Variants in C1orf52 observed in about 807,000 individuals in gnomAD.
C1orf52 encodes the protein chromosome 1 open reading frame 52.
C1orf52 carries 5 observed loss-of-function variants against 17.2 expected under a neutral mutation model. That is an observed-to-expected ratio of 0.29 (90% CI 0.15 to 0.61). The LOEUF is 0.61. Ranked by LOEUF, C1orf52 falls within the 20% of genes least tolerant of loss-of-function variation. The pLI, the probability that C1orf52 is intolerant of heterozygous loss-of-function variation, is 0.85. For missense variants in C1orf52, 245 were observed against 234.1 expected (o/e 1.05, Z -0.30); for synonymous variants, 110 against 88.0 (o/e 1.25, Z -1.40).
intron 2 of C1orf52, among the ~76,000 whole-genome samples, chr1:85,258,164 A>T (rs1214325851): frequency 6.6e-6 from 1 of 152,092 alleles, no homozygotes; most frequent in Non-Finnish European, 1.5e-5. Flanking sequence ...AAAAAAGAAA[A>T]TTAAGCCTTC....
rs770855238 is a variant in C1orf52, at chr1:85,258,646, G to A, written c.353C>T (p.Pro118Leu). Residue 118 changes from proline (P) to leucine (L), a missense_variant, in exon 2 of 3, where the codon CCG becomes CTG. Physicochemically the swap from Pro to Leu is moderately conservative, Grantham distance 98. Coordinates refer to ENST00000471115, the MANE Select transcript of C1orf52 (RefSeq NM_198077.4). ...PETYTTEKKP[P>L]PPELDMAIKW... is the part of the protein sequence containing the mutation. ...TATTGCCATGTCAAGCTCTGGAGGC[G>A]GAGGCTTCTTCTCAGTGGTGTAGGT... 4 of 1,613,708 alleles carry A rather than the reference G, an allele frequency of 2.5e-6. No individual in the cohort carries two copies. The highest frequency in any genetic ancestry group is 1.1e-5 in the South Asian group (1 of 91,072).
intron 2 of C1orf52, among the ~76,000 whole-genome samples, chr1:85,254,251 G>A (rs959445607): frequency 3.9e-5 from 6 of 152,252 alleles, no homozygotes; most frequent in Non-Finnish European, 8.8e-5. Context: ...TATGTAGGCA[G>A]TGGAATAAAA....
At chr1:85,258,484 G>T in intron 2 of C1orf52, 40 bp downstream of exon 2, 1 of 1,510,270 alleles carries the variant, frequency 6.6e-7, no homozygotes. Flanking sequence ...CCCATCACGG[G>T]GATCAAAATA....
chr1:85,250,285 A>G lies in C1orf52; in HGVS notation c.*2344T>C, dbSNP rs551758637. The G allele has an allele frequency of 1.3e-5, 2 of 152,280 alleles. No homozygotes were observed. The highest frequency in any genetic ancestry group is 4.8e-5 in the African/African-American group (2 of 41,560). 9.4% of individuals were successfully genotyped at this position (152,280 alleles called of 1,614,324 possible). A position where few individuals can be genotyped will look rare whatever the true frequency, so the allele number is the denominator to read the frequency against. On this transcript the variant is annotated 3_prime_UTR_variant, in exon 3 of 3. Coordinates refer to ENST00000471115, the MANE Select transcript of C1orf52 (RefSeq NM_198077.4). ...GATCTCAACATGTTGCCCAGGCTTA[A>G]CTTAAAGTGCAGGAAACAATCAGAA...
intron 1 of C1orf52, 122 bp downstream of exon 1, chr1:85,259,236 G>A: frequency 1.5e-6 from 2 of 1,302,592 alleles, no homozygotes; most frequent in South Asian, 2.7e-5. Flanking sequence ...GGAGGGGGTG[G>A]TGCGGCATCC....
intron 2 of C1orf52, chr1:85,257,576 A>C (rs544290566): frequency 3.9e-4 from 264 of 669,712 alleles, no homozygotes; most frequent in Non-Finnish European, 5.7e-4. Context: ...CAAGTTATAT[A>C]ATCAGATACG....
chr1:85,259,170 C>T (rs1289041549), intron 1 of C1orf52, 188 bp downstream of exon 1: 3 of 1,104,928 alleles, frequency 2.7e-6, no homozygotes, highest in Non-Finnish European at 3.7e-6. Flanking sequence ...GCTGCGGGTC[C>T]GGTCTAACAC....
chr1:85,258,771 C>T (rs768307659), intron 1 of C1orf52, 49 bp from the exon 2 acceptor site: 28 of 1,512,532 alleles, frequency 1.9e-5, no homozygotes, highest in Non-Finnish European at 2.4e-5. Flanking sequence ...GAGGTTCCTA[C>T]GATGGACGTG....
intron 1 of C1orf52, 164 bp downstream of exon 1, chr1:85,259,194 A>C: frequency 9.8e-7 from 1 of 1,020,616 alleles, no homozygotes; most frequent in Non-Finnish European, 1.3e-6. Context: ...CCAGGCGGGG[A>C]GAGGGGGCCA....
chr1:85,259,500 G>A lies in C1orf52; in HGVS notation c.134C>T (p.Ala45Val). ...SRRTPDPAKS[A>V]GGCRNKAEKR... The stretch of plus-strand genomic sequence containing the variant: ...CTCCGCCTTGTTCCTACAGCCGCCC[G>A]CCGACTTCGCCGGATCCGGGGTTCT... Residue 45 changes from alanine to valine, a missense_variant, in exon 1 of 3, where the codon GCG becomes GTG. Physicochemically the swap from Ala to Val is moderately conservative, Grantham distance 64. Transcript: ENST00000471115. 1 of 1,613,884 alleles carries A rather than the reference G, an allele frequency of 6.2e-7. No individual in the cohort carries two copies. The highest frequency in any genetic ancestry group is 8.5e-7 in the Non-Finnish European group (1 of 1,180,022).
chr1:85,255,920 T>C (rs1659926200), intron 2 of C1orf52, among the ~76,000 whole-genome samples: 1 of 152,266 alleles, frequency 6.6e-6, no homozygotes, highest in East Asian at 1.9e-4. Flanking sequence ...ATAGCAGTGT[T>C]ACCTGCCACA....
At position 85,258,830 on chromosome 1, in the gene C1orf52, TTTTC is replaced by T. The variant is rs1437021476; in HGVS notation, c.277-112_277-109del. ...CGCTTATCGTTCAGGCTGACTTTTTTTTTCTTTAAGGTTGAAAGACACATTTTTC... is the reference window on the plus strand; with the variant it reads ...CGCTTATCGTTCAGGCTGACTTTTTTTTTAAGGTTGAAAGACACATTTTTC... On this transcript the variant is annotated intron_variant, in intron 1 of 2. Transcript: ENST00000471115. The T allele has an allele frequency of 7.7e-6, 11 of 1,420,484 alleles. No homozygotes were observed. In the Admixed American group the frequency reaches 2.8e-4, roughly 37 times the overall value. The allele number at this position is 1,420,484 out of a possible 1,614,324, so 88.0% of individuals were successfully genotyped here. A position where few individuals can be genotyped will look rare whatever the true frequency, so the allele number is the denominator to read the frequency against.
intron 1 of C1orf52, 119 bp downstream of exon 1, chr1:85,259,239 C>T: frequency 7.9e-7 from 1 of 1,263,106 alleles, no homozygotes; most frequent in Non-Finnish European, 1.1e-6. Flanking sequence ...GGGGGTGGTG[C>T]GGCATCCCGC....
intron 1 of C1orf52, 190 bp downstream of exon 1, chr1:85,259,168 T>C: frequency 9.0e-7 from 1 of 1,105,118 alleles, no homozygotes; most frequent in Non-Finnish European, 1.2e-6. Context: ...GGGCTGCGGG[T>C]CCGGTCTAAC....
intron 1 of C1orf52, 100 bp from the exon 2 acceptor site, chr1:85,258,822 G>T: frequency 7.1e-7 from 1 of 1,410,618 alleles, no homozygotes; most frequent in Non-Finnish European, 9.3e-7. Context: ...CGTTCAGGCT[G>T]ACTTTTTTTT....
At chr1:85,255,652 G>A (rs1246711216) in intron 2 of C1orf52, among the ~76,000 whole-genome samples, 3 of 151,988 alleles carry the variant, frequency 2.0e-5, no homozygotes, top group Admixed American at 2.0e-4. Context: ...GACGTTAACC[G>A]GCAATAAAAG....
rs1031356481 is a variant in C1orf52, at chr1:85,250,142, T to TAA, written c.*2485_*2486dup. 1 of 151,982 alleles carries TAA rather than the reference T, an allele frequency of 6.6e-6. No homozygotes were observed. The highest frequency in any genetic ancestry group is 1.5e-5 in the Non-Finnish European group (1 of 68,026). 9.4% of individuals were successfully genotyped at this position (151,982 alleles called of 1,614,324 possible). A position where few individuals can be genotyped will look rare whatever the true frequency, so the allele number is the denominator to read the frequency against. On this transcript the variant is annotated 3_prime_UTR_variant, in exon 3 of 3. Transcript: ENST00000471115. ...ATCTCGTAAGACTCATTCACTATCA[T>TAA]AAGAACAGCACCGGAAAGACCCACC...
At chr1:85,258,945 T>C in intron 1 of C1orf52, 2 of 1,398,092 alleles carry the variant, frequency 1.4e-6, no homozygotes, top group Non-Finnish European at 1.8e-6. Flanking sequence ...CAAAGAAGAA[T>C]CCAGTCTCAG....
At position 85,252,798 on chromosome 1, in the gene C1orf52, C is replaced by A. The variant is rs1184893458; in HGVS notation, c.476-96G>T. ...ACTGGCTTTATACCAAAATTATTAC[C>A]CTCATCAATTAATGTTTCTCTCAGA... On this transcript the variant is annotated intron_variant, in intron 2 of 2. Transcript: ENST00000471115. The A allele has an allele frequency of 4.2e-6, 3 of 716,636 alleles. No individual in the cohort carries two copies. The Admixed American group carries it at 9.0e-5, about 21-fold the overall frequency. The allele number at this position is 716,636 out of a possible 1,614,324, so 44.4% of individuals were successfully genotyped here. A position where few individuals can be genotyped will look rare whatever the true frequency, so the allele number is the denominator to read the frequency against.
Sources: allele counts gnomAD v4.1 joint callset (sites outside exome capture counted in the v4.1 genomes callset), GRCh38; gene constraint gnomAD v4.1.1; transcripts MANE v1.5; gene names NCBI Gene and HGNC (gene_info 2026-07-23, HGNC 2026-07-21).